Variants in CFAP47 observed in about 807,000 individuals in gnomAD.
CFAP47 encodes the protein cilia and flagella associated protein 47, also known as cilia- and flagella-associated protein 47.
Under a neutral mutation model 148.1 loss-of-function variants are expected in CFAP47, and 29 were observed. The observed-to-expected ratio is 0.20, with a 90% CI of 0.15 to 0.27. CFAP47 has a LOEUF of 0.27. Ranked by LOEUF, CFAP47 falls within the 10% of genes least tolerant of loss-of-function variation. The pLI is 1.00. For synonymous variants in CFAP47, 664 were observed against 577.3 expected, an observed-to-expected ratio of 1.15 and a Z score of -2.15; for missense variants, 1,872 against 1,697.5, an observed-to-expected ratio of 1.10 and a Z score of -1.81.
chrX:36,372,026 A>G (rs1170072878), intron 62 of CFAP47, among the ~76,000 whole-genome samples: 11 of 102,948 alleles, frequency 1.1e-4, no homozygotes, highest in Non-Finnish European at 2.2e-4. Flanking sequence ...GTGTATATGT[A>G]TATATGTGTG....
intron 49 of CFAP47, 24 bp downstream of exon 49, chrX:36,251,468 T>A (rs1555998237): frequency 2.1e-6 from 1 of 470,203 alleles, no homozygotes; most frequent in Non-Finnish European, 3.8e-6. Flanking sequence ...TAATAAAATA[T>A]TAGTCATTTT....
intron 18 of CFAP47, among the ~76,000 whole-genome samples, chrX:35,994,201 G>T (rs1172124120): frequency 9.0e-6 from 1 of 111,028 alleles, no homozygotes; most frequent in Non-Finnish European, 1.9e-5. Context: ...GGCGGAGCTT[G>T]CAGTGAGCTG....
rs373392937 is a variant in CFAP47, at chrX:36,073,367, G to A, written c.4691+3G>A. 22 of 1,122,482 alleles carry A rather than the reference G, an allele frequency of 2.0e-5. No individual in the cohort carries two copies. The highest frequency in any genetic ancestry group is 5.4e-5 in the African/African-American group (3 of 55,270). 92.5% of individuals were successfully genotyped at this position (1,122,482 alleles called of 1,213,427 possible). ...TCTATTCCAGAGACTATAAGAAGGT[G>A]AGAGTCCCATGTTTCTCTAAATTCT... On this transcript the variant is annotated splice_donor_region_variant and intron_variant, in intron 29 of 63. Coordinates refer to ENST00000378653, the MANE Select transcript of CFAP47 (RefSeq NM_001304548.2).
At chrX:36,048,358 A>G (rs771951621) in intron 26 of CFAP47, among the ~76,000 whole-genome samples, 3 of 111,709 alleles carry the variant, frequency 2.7e-5, no homozygotes, top group East Asian at 5.6e-4. Context: ...TTTTTGCCCT[A>G]TGTTGAAGCC....
chrX:36,303,786 TG>T, intron 53 of CFAP47, 62 bp from the exon 54 acceptor site: 1 of 561,479 alleles, frequency 1.8e-6, no homozygotes, highest in Non-Finnish European at 2.7e-6. Context: ...ATCAAGTTTA[TG>T]GAATTAACAC....
chrX:36,052,121 T>C (rs1392703527), intron 26 of CFAP47, among the ~76,000 whole-genome samples: 2 of 111,948 alleles, frequency 1.8e-5, no homozygotes, highest in Admixed American at 9.5e-5. Context: ...TCATACAGTA[T>C]GAAAATGGAC....
chrX:35,959,592 A>G (rs750955451), intron 8 of CFAP47, among the ~76,000 whole-genome samples: 1 of 111,568 alleles, frequency 9.0e-6, no homozygotes, highest in Non-Finnish European at 1.9e-5. Context: ...CTGGATCATG[A>G]GGTCAGGAGT....
intron 46 of CFAP47, among the ~76,000 whole-genome samples, chrX:36,230,103 T>C (rs1940325470): frequency 9.4e-6 from 1 of 106,009 alleles, no homozygotes; most frequent in South Asian, 4.4e-4. Context: ...CAGCATGATT[T>C]ATAGTCCTTT....
intron 35 of CFAP47, among the ~76,000 whole-genome samples, chrX:36,140,972 A>G (rs1939127919): frequency 9.0e-6 from 1 of 111,462 alleles, no homozygotes; most frequent in Non-Finnish European, 1.9e-5. Context: ...AATACATATA[A>G]TAAGCATTTA....
chrX:35,999,754 G>A (rs1321040648), intron 19 of CFAP47, among the ~76,000 whole-genome samples: 1 of 111,637 alleles, frequency 9.0e-6, no homozygotes, highest in Non-Finnish European at 1.9e-5. Flanking sequence ...AGCATCAGGT[G>A]TTGGTTGGAA....
chrX:36,337,856 CTTT>C (rs1196038760), intron 57 of CFAP47, among the ~76,000 whole-genome samples: 1 of 58,340 alleles, frequency 1.7e-5, no homozygotes, highest in Non-Finnish European at 2.8e-5. Context: ...TTCCATAATC[CTTT>C]TTTTTTTTTT....
intron 39 of CFAP47, among the ~76,000 whole-genome samples, chrX:36,176,851 C>T (rs771890317): frequency 7.7e-4 from 86 of 112,104 alleles, no homozygotes; most frequent in African/African-American, 2.2e-3. Context: ...TTGCAGTGAG[C>T]GGAGATTGTG....
intron 60 of CFAP47, among the ~76,000 whole-genome samples, chrX:36,357,632 C>G (rs1299948713): frequency 9.0e-6 from 1 of 111,722 alleles, no homozygotes; most frequent in Non-Finnish European, 1.9e-5. Context: ...TTGGTATTGT[C>G]CTATTGAAAT....
intron 33 of CFAP47, among the ~76,000 whole-genome samples, chrX:36,106,184 T>C (rs1254839546): frequency 8.9e-6 from 1 of 112,372 alleles, no homozygotes; most frequent in Non-Finnish European, 1.9e-5. Flanking sequence ...TTTTTAAATA[T>C]AAATGTAATT....
intron 40 of CFAP47, among the ~76,000 whole-genome samples, chrX:36,185,938 C>T (rs1413090562): frequency 1.8e-5 from 2 of 111,540 alleles, no homozygotes; most frequent in Non-Finnish European, 3.8e-5. Context: ...TTTCCAAATA[C>T]GGTCACATTG....
intron 26 of CFAP47, among the ~76,000 whole-genome samples, chrX:36,054,444 A>AT (rs1937538016): frequency 9.0e-6 from 1 of 111,679 alleles, no homozygotes; most frequent in Admixed American, 9.5e-5. Context: ...TAAATTAAAT[A>AT]TTTTTTCTGT....
intron 33 of CFAP47, among the ~76,000 whole-genome samples, chrX:36,125,080 C>A (rs1417941697): frequency 2.7e-5 from 3 of 110,892 alleles, no homozygotes; most frequent in Non-Finnish European, 5.7e-5. Context: ...ATACCATATA[C>A]CGAAAATGAA....
intron 46 of CFAP47, among the ~76,000 whole-genome samples, chrX:36,233,155 A>G (rs1203652923): frequency 9.0e-6 from 1 of 111,346 alleles, no homozygotes; most frequent in African/African-American, 3.3e-5. Context: ...GCTGAGTTCA[A>G]GTCCTGGATA....
chrX:36,045,233 G>GGTAT (rs1234258309), intron 25 of CFAP47, among the ~76,000 whole-genome samples: 2 of 111,552 alleles, frequency 1.8e-5, no homozygotes, highest in Non-Finnish European at 3.8e-5. Flanking sequence ...ATCATGCTGA[G>GGTAT]GTATGTTTCT....
Sources: allele counts gnomAD v4.1 joint callset (sites outside exome capture counted in the v4.1 genomes callset), GRCh38; gene constraint gnomAD v4.1.1; transcripts MANE v1.5; gene names NCBI Gene and HGNC (gene_info 2026-07-23, HGNC 2026-07-21).